Variants in ATP2B2 observed in about 807,000 individuals in gnomAD.
The protein encoded by ATP2B2 is plasma membrane calcium-transporting ATPase 2.
Under a neutral mutation model 120.0 loss-of-function variants are expected in ATP2B2, and 15 were observed. The observed-to-expected ratio is 0.12, with a 90% CI of 0.08 to 0.19. The LOEUF is 0.19. Among genes scored for constraint, ATP2B2 ranks in the 10% least tolerant of loss-of-function variants. The pLI is 1.00. For synonymous variants in ATP2B2, 694 were observed against 700.3 expected (o/e 0.99, Z 0.14); for missense variants, 1,045 against 1,719.8 (o/e 0.61, Z 6.94).
In ATP2B2 at chr3:10,649,256, T is replaced by TCATACTCACCCACATACTCACCCA. The variant is rs1292549532; in HGVS notation, c.-459-29296_-459-29295insTGGGTGAGTATGTGGGTGAGTATG. On this transcript the variant is annotated intron_variant, in intron 1 of 21. Transcript: ENST00000646379. ...AGACATCAAAAGTTCTGTCCTTCAG[T>TCATACTCACCCACATACTCACCCA]CATACTCACCACATTTCAAGTGCTC... Among the ~76,000 whole-genome samples the TCATACTCACCCACATACTCACCCA allele has an allele frequency of 2.6e-5, 4 of 152,366 alleles. No individual in the cohort carries two copies. In the East Asian group the frequency reaches 5.8e-4, roughly 22 times the overall value.
intron 2 of ATP2B2, among the ~76,000 whole-genome samples, chr3:10,422,787 G>A (rs764485840): frequency 2.6e-5 from 4 of 152,236 alleles, no homozygotes; most frequent in East Asian, 1.9e-4. Flanking sequence ...GGCACAGAAC[G>A]GGCACACAGA....
Position 10,336,444 on chromosome 3 carries a change from C to T in ATP2B2, c.3420+1732G>A, listed in dbSNP as rs951505030. Reference sequence around the variant, plus strand: ...AATCAAAACAAAAATACCAGACACACTCCAAGGCTCTGAAAAACGTCTGCT... The same window carrying T: ...AATCAAAACAAAAATACCAGACACATTCCAAGGCTCTGAAAAACGTCTGCT... On this transcript the variant is annotated intron_variant, in intron 22 of 22. Transcript: ENST00000360273. 1.8e-5 allele frequency: 16 copies of T among 881,204 alleles called. No individual in the cohort carries two copies. The African/African-American group carries it at 2.7e-4, about 15-fold the overall frequency. The allele number at this position is 881,204 out of a possible 1,614,324, so 54.6% of individuals were successfully genotyped here.
chr3:10,583,625 A>G (rs2068441573), intron 2 of ATP2B2, among the ~76,000 whole-genome samples: 1 of 152,162 alleles, frequency 6.6e-6, no homozygotes, highest in South Asian at 2.1e-4. Context: ...TACTTCATGA[A>G]CGTAGGACAA....
intron 1 of ATP2B2, among the ~76,000 whole-genome samples, chr3:10,490,800 G>T (rs919420652): frequency 6.6e-6 from 1 of 152,206 alleles, no homozygotes; most frequent in Non-Finnish European, 1.5e-5. Context: ...ACTGGCAGGG[G>T]TGGAGCCAGG....
rs2060252697 is a variant in ATP2B2 at position 10,340,772 on chromosome 3, C to T, written c.2918-68G>A. 1 of 1,520,784 alleles carries T rather than the reference C, an allele frequency of 6.6e-7. No homozygotes were observed. The highest frequency in any genetic ancestry group is 9.1e-7 in the Non-Finnish European group (1 of 1,097,832). 94.2% of individuals were successfully genotyped at this position (1,520,784 alleles called of 1,614,324 possible). A position where few individuals can be genotyped will look rare whatever the true frequency, so the allele number is the denominator to read the frequency against. On this transcript the variant is annotated intron_variant, in intron 19 of 22. Coordinates refer to ENST00000360273, the MANE Select transcript of ATP2B2 (RefSeq NM_001001331.4). This position sits in a 1 kb window ranked among gnomAD's most constrained non-coding sequence, Gnocchi z 5.0. ...GGGAATCAGAGGGGAGATGCCTGGC[C>T]TTTCGTGGGGGCCTCTTCTGAGCAG...
At chr3:10,425,532 G>T (rs571711576) in intron 2 of ATP2B2, among the ~76,000 whole-genome samples, 17 of 152,100 alleles carry the variant, frequency 1.1e-4, no homozygotes, top group African/African-American at 2.7e-4. Context: ...ATAAGCTGTG[G>T]TTCCTAACCC....
At chr3:10,681,213 A>G (rs980607114) in intron 1 of ATP2B2, among the ~76,000 whole-genome samples, 2 of 152,190 alleles carry the variant, frequency 1.3e-5, no homozygotes, top group African/African-American at 4.8e-5. Flanking sequence ...CATCTCAGTT[A>G]TTCCTTTATA....
At chr3:10,499,349 G>A (rs2066287190) in intron 1 of ATP2B2, among the ~76,000 whole-genome samples, 1 of 152,214 alleles carries the variant, frequency 6.6e-6, no homozygotes. Context: ...GGGAAGATGG[G>A]TGCTCAGCTA....
At chr3:10,624,222 G>C (rs1173877368) in intron 1 of ATP2B2, among the ~76,000 whole-genome samples, 1 of 152,138 alleles carries the variant, frequency 6.6e-6, no homozygotes, top group Non-Finnish European at 1.5e-5. Context: ...TTGGGGAATG[G>C]TGGCCTCAAA....
intron 2 of ATP2B2, among the ~76,000 whole-genome samples, chr3:10,428,316 G>A (rs1433604251): frequency 2.0e-5 from 3 of 152,210 alleles, no homozygotes; most frequent in Non-Finnish European, 4.4e-5. Context: ...GGTCATAAAA[G>A]GCTTTTCCAG....
At chr3:10,605,676 T>G (rs1575548121) in intron 2 of ATP2B2, among the ~76,000 whole-genome samples, 1 of 146,572 alleles carries the variant, frequency 6.8e-6, no homozygotes, top group East Asian at 2.0e-4. Flanking sequence ...TGAGACAGAG[T>G]CTCACTCTGC....
At chr3:10,444,349 G>T (rs1159599781) in intron 2 of ATP2B2, among the ~76,000 whole-genome samples, 1 of 152,182 alleles carries the variant, frequency 6.6e-6, no homozygotes, top group Admixed American at 6.5e-5. Flanking sequence ...ACAACACACG[G>T]AAGACCCCTG....
intron 1 of ATP2B2, among the ~76,000 whole-genome samples, chr3:10,663,474 G>T (rs894379449): frequency 6.6e-5 from 10 of 152,148 alleles, no homozygotes; most frequent in African/African-American, 1.4e-4. Flanking sequence ...CTGATGCTGA[G>T]GGGGAGCTCT....
chr3:10,627,622 G>C (rs1273819021), intron 1 of ATP2B2, among the ~76,000 whole-genome samples: 2 of 152,166 alleles, frequency 1.3e-5, no homozygotes, highest in African/African-American at 4.8e-5. Context: ...GTGCAAGGTC[G>C]GGTGTAATAG....
chr3:10,604,048 C>T (rs940796486), intron 2 of ATP2B2, among the ~76,000 whole-genome samples: 18 of 152,184 alleles, frequency 1.2e-4, no homozygotes, highest in African/African-American at 4.3e-4. Flanking sequence ...ACCCCTCCTC[C>T]CTCTGCCTCC....
chr3:10,567,539 CTG>C (rs1436585473), intron 2 of ATP2B2, among the ~76,000 whole-genome samples: 10 of 152,314 alleles, frequency 6.6e-5, no homozygotes, highest in African/African-American at 2.4e-4. Context: ...GGCATGACTT[CTG>C]TGAGTCTCAG....
At chr3:10,388,699 C>A (rs528196570) in intron 5 of ATP2B2, among the ~76,000 whole-genome samples, 1 of 152,206 alleles carries the variant, frequency 6.6e-6, no homozygotes, top group Non-Finnish European at 1.5e-5. Context: ...GTCTCCTTCT[C>A]CCCACTCCTC....
rs1314712887 is a variant in ATP2B2, at chr3:10,535,799, G to T, written c.-414-1666C>A. ...AAGGACATCTGTGTTACTCCTAGTT[G>T]TGGGGTATTATAAACATTTATGTAA... On this transcript the variant is annotated intron_variant, in intron 2 of 21. Coordinates refer to the ATP2B2 transcript ENST00000646379. 1.3e-5 allele frequency among the ~76,000 whole-genome samples: 2 copies of T among 152,118 alleles called. 1 individual carries two copies. The highest frequency in any genetic ancestry group is 3.8e-4 in the East Asian group (2 of 5,196).
Position 10,327,434 on chromosome 3 carries a change from C to T in ATP2B2, c.*1380G>A, listed in dbSNP as rs1221171716. 1 of 152,510 alleles carries T rather than the reference C, an allele frequency of 6.6e-6. No individual in the cohort carries two copies. The highest frequency in any genetic ancestry group is 2.4e-5 in the African/African-American group (1 of 41,424). 9.4% of individuals were successfully genotyped at this position (152,510 alleles called of 1,614,324 possible). A position where few individuals can be genotyped will look rare whatever the true frequency, so the allele number is the denominator to read the frequency against. On this transcript the variant is annotated 3_prime_UTR_variant, in exon 23 of 23. Transcript: ENST00000360273. ...TAGTGCAGAGAAAAAGGCTATTCTTCTTCAAAAATAAAAATAAAAGCAGCA... is the reference window on the plus strand; with the variant it reads ...TAGTGCAGAGAAAAAGGCTATTCTTTTTCAAAAATAAAAATAAAAGCAGCA...
Sources: allele counts gnomAD v4.1 joint callset (sites outside exome capture counted in the v4.1 genomes callset), GRCh38; gene constraint gnomAD v4.1.1; non-coding constraint Gnocchi (gnomAD v3.1); transcripts MANE v1.5; gene names NCBI Gene and HGNC (gene_info 2026-07-23, HGNC 2026-07-21).